Variants in SCAMP2 observed in about 807,000 individuals in gnomAD.
SCAMP2 encodes the protein secretory carrier-associated membrane protein 2.
SCAMP2 carries 25 observed loss-of-function variants against 44.1 expected under a neutral mutation model. The ratio of observed to expected loss-of-function variants is 0.57; its 90% CI spans 0.41 to 0.79. The LOEUF is 0.79. Among genes scored for constraint, SCAMP2 ranks in the 30% least tolerant of loss-of-function variants. The pLI is 0.00. For synonymous variants in SCAMP2, 156 were observed against 166.0 expected, an observed-to-expected ratio of 0.94 and a Z score of 0.46; for missense variants, 355 against 411.0, an observed-to-expected ratio of 0.86 and a Z score of 1.18.
chr15:74,859,639 T>TG (rs1316657792), intron 1 of SCAMP2, among the ~76,000 whole-genome samples: 1 of 137,488 alleles, frequency 7.3e-6, no homozygotes. Context: ...TTTTTTGAGA[T>TG]GGAGTCTCGC....
At chr15:74,846,281 CA>C (rs1339255346) in intron 7 of SCAMP2, among the ~76,000 whole-genome samples, 244 of 132,360 alleles carry the variant, frequency 1.8e-3, no homozygotes, top group Admixed American at 3.0e-3. Flanking sequence ...GACTCCAACT[CA>C]AAAAAAAAAA....
At position 74,873,269 on chromosome 15, in the gene SCAMP2, C is replaced by T. The variant is rs1344040572; in HGVS notation, c.-14G>A. 1 of 1,479,804 alleles carries T rather than the reference C, an allele frequency of 6.8e-7. No individual in the cohort carries two copies. The allele number at this position is 1,479,804 out of a possible 1,614,324, so 91.7% of individuals were successfully genotyped here. On this transcript the variant is annotated 5_prime_UTR_variant, in exon 1 of 9. Transcript: ENST00000268099. Reference sequence around the variant, plus strand: ...GAAAGCCGACATGGTGATCGGGGGCCAGCGGGCGAACTCCGCGAACGCTGC... The same window carrying T: ...GAAAGCCGACATGGTGATCGGGGGCTAGCGGGCGAACTCCGCGAACGCTGC...
intron 6 of SCAMP2, 57 bp from the exon 7 acceptor site, chr15:74,848,758 C>G: frequency 1.5e-6 from 2 of 1,292,602 alleles, no homozygotes; most frequent in Admixed American, 1.9e-5. Flanking sequence ...TCCTCAGCAT[C>G]CTTACTTGGT....
At chr15:74,850,880 A>G (rs1225013383) in intron 5 of SCAMP2, among the ~76,000 whole-genome samples, 1 of 152,134 alleles carries the variant, frequency 6.6e-6, no homozygotes, top group African/African-American at 2.4e-5. Flanking sequence ...CGTTCCTGAG[A>G]GGTGATGGGA....
chr15:74,861,547 C>T (rs1459435386), intron 1 of SCAMP2, among the ~76,000 whole-genome samples: 1 of 152,178 alleles, frequency 6.6e-6, no homozygotes, highest in Non-Finnish European at 1.5e-5. Context: ...TACGCATCCC[C>T]TTGAAGGCCC....
At chr15:74,860,713 C>T (rs2141177982) in intron 1 of SCAMP2, among the ~76,000 whole-genome samples, 1 of 132,922 alleles carries the variant, frequency 7.5e-6, no homozygotes, top group South Asian at 2.3e-4. Context: ...AAAAGCCAGG[C>T]GTGGTGGTGC....
intron 1 of SCAMP2, among the ~76,000 whole-genome samples, chr15:74,858,717 G>A (rs2064482671): frequency 6.6e-6 from 1 of 151,696 alleles, no homozygotes; most frequent in Non-Finnish European, 1.5e-5. Flanking sequence ...GTGAATATGT[G>A]GCAGGATGAA....
At chr15:74,851,600 C>T (rs1294417106) in intron 4 of SCAMP2, 119 bp from the exon 5 acceptor site, 14 of 1,312,754 alleles carry the variant, frequency 1.1e-5, no homozygotes, top group East Asian at 9.4e-5. Context: ...CTCCAGCAAG[C>T]GGGGCTTGGA....
intron 1 of SCAMP2, among the ~76,000 whole-genome samples, chr15:74,859,910 A>C (rs2064491731): frequency 1.3e-5 from 2 of 152,026 alleles, no homozygotes; most frequent in African/African-American, 4.8e-5. Context: ...TCCCAGTGTG[A>C]GGTTTATTTC....
chr15:74,850,494 C>A lies in SCAMP2; in HGVS notation c.632+20G>T. The stretch of plus-strand genomic sequence containing the variant: ...GGATGCCAGCCATAAAGTCTCACCC[C>A]TTGCCCCGGCCTCACTCACCTAAAG... On this transcript the variant is annotated intron_variant, in intron 6 of 8. Coordinates refer to ENST00000268099, the MANE Select transcript of SCAMP2 (RefSeq NM_005697.5). 1 of 1,612,418 alleles carries A rather than the reference C, an allele frequency of 6.2e-7. No homozygotes were observed. The highest frequency in any genetic ancestry group is 8.5e-7 in the Non-Finnish European group (1 of 1,178,872).
intron 4 of SCAMP2, 24 bp from the exon 5 acceptor site, chr15:74,851,505 G>C (rs199843989): frequency 3.0e-5 from 49 of 1,612,554 alleles, no homozygotes; most frequent in Middle Eastern, 1.7e-4. Flanking sequence ...AAAGAGTGAC[G>C]AGGTAAGGGC....
At chr15:74,859,698 T>C (rs2064490529) in intron 1 of SCAMP2, among the ~76,000 whole-genome samples, 1 of 144,820 alleles carries the variant, frequency 6.9e-6, no homozygotes, top group Non-Finnish European at 1.5e-5. Context: ...CTCACTACAA[T>C]CTCCACCTCC....
At chr15:74,870,055 A>G (rs1465877925) in intron 1 of SCAMP2, among the ~76,000 whole-genome samples, 1 of 152,156 alleles carries the variant, frequency 6.6e-6, no homozygotes, top group African/African-American at 2.4e-5. Flanking sequence ...GTGTGCCAAG[A>G]GGAAAAGCCC....
At chr15:74,848,827 G>C in intron 6 of SCAMP2, 126 bp from the exon 7 acceptor site, 1 of 646,790 alleles carries the variant, frequency 1.5e-6, no homozygotes, top group Non-Finnish European at 2.7e-6. Flanking sequence ...AGAGCTCCAG[G>C]GGCCCAGCCA....
At chr15:74,850,820 T>C (rs931833271) in intron 5 of SCAMP2, 147 bp from the exon 6 acceptor site, 26 of 773,540 alleles carry the variant, frequency 3.4e-5, no homozygotes, top group Non-Finnish European at 4.9e-5. Flanking sequence ...TAGGCAGGGA[T>C]AGTTCCCATA....
chr15:74,856,214 A>G (rs974739162), intron 1 of SCAMP2, among the ~76,000 whole-genome samples: 1 of 148,914 alleles, frequency 6.7e-6, no homozygotes, highest in Non-Finnish European at 1.5e-5. Flanking sequence ...AGATGCTCCC[A>G]AACTTCAGGC....
At chr15:74,848,526 A>G in intron 7 of SCAMP2, 74 bp downstream of exon 7, 3 of 963,870 alleles carry the variant, frequency 3.1e-6, no homozygotes, top group Non-Finnish European at 4.8e-6. Context: ...GCTCTGTGGG[A>G]GCTAGAAAAC....
chr15:74,858,443 C>T (rs1461901111), intron 1 of SCAMP2, among the ~76,000 whole-genome samples: 1 of 152,114 alleles, frequency 6.6e-6, no homozygotes. Context: ...TTCTGTGGCT[C>T]AGCTCGGGAC....
At chr15:74,855,438 C>T (rs532837285) in intron 1 of SCAMP2, among the ~76,000 whole-genome samples, 30 of 151,624 alleles carry the variant, frequency 2.0e-4, no homozygotes, top group Admixed American at 1.6e-3. Flanking sequence ...CTAAGGTAGC[C>T]GGGTGCAGTA....
Sources: gnomAD v4.1 joint callset for allele counts (sites outside exome capture counted in the v4.1 genomes callset) on GRCh38, gnomAD v4.1.1 for gene constraint, MANE v1.5 for transcripts, NCBI Gene and HGNC (gene_info 2026-07-23, HGNC 2026-07-21) for gene names.